CD99: variants seen among roughly 807,000 people sequenced by gnomAD.
The protein encoded by CD99 is CD99 antigen.
A neutral mutation model predicts 28.4 loss-of-function variants in CD99; 19 were observed. The ratio of observed to expected loss-of-function variants is 0.67; its 90% CI spans 0.47 to 0.98. The LOEUF (loss-of-function observed/expected upper bound fraction) is 0.98, where lower values mean the gene tolerates loss of function less well. Ranked by LOEUF, CD99 falls within the 50% of genes least tolerant of loss-of-function variation. CD99 has a pLI of 0.00. For missense variants in CD99, 283 were observed against 248.8 expected, an observed-to-expected ratio of 1.14 and a Z score of -0.92; for synonymous variants, 103 against 92.1, an observed-to-expected ratio of 1.12 and a Z score of -0.67.
intron 1 of CD99, among the ~76,000 whole-genome samples, chrX:2,702,754 A>G (rs932192556): frequency 2.0e-5 from 3 of 151,824 alleles, no homozygotes; most frequent in Non-Finnish European, 2.9e-5. Context: ...TATTTTGTTC[A>G]TGCACAGAAC....
chrX:2,707,777 C>T (rs1295939882), intron 1 of CD99, among the ~76,000 whole-genome samples: 1 of 152,178 alleles, frequency 6.6e-6, no homozygotes, highest in Non-Finnish European at 1.5e-5. Context: ...CACCAGGCTC[C>T]TTCTCTGAGG....
Position 2,723,326 on chromosome X carries a change from G to T in CD99, c.323G>T (p.Ser108Ile). ...GVSGGEGKGG[S>I]DGGGSHRKEG... ...TTTTGTCTTGCAGGAAAAGGAGGCA[G>T]TGATGGTGGAGGCAGCCACAGGAAA... is the stretch of plus-strand genomic sequence containing the variant. The change falls in exon 7 of 10, where the codon AGT becomes ATT. Residue 108 changes from serine (S) to isoleucine (I), a missense_variant. By Grantham distance (142) the Ser-to-Ile change is moderately radical (BLOSUM62 -2). Transcript: ENST00000381192. The T allele has an allele frequency of 6.2e-7, 1 of 1,613,984 alleles. No homozygotes were observed. The highest frequency in any genetic ancestry group is 8.5e-7 in the Non-Finnish European group (1 of 1,179,866).
At position 2,723,230 on chromosome X, in the gene CD99, G is replaced by C. The variant is rs1266531779; in HGVS notation, c.311-84G>C. 2.9e-6 allele frequency: 4 copies of C among 1,384,946 alleles called. No individual in the cohort carries two copies. The African/African-American group carries it at 5.7e-5, about 20-fold the overall frequency. 85.8% of individuals were successfully genotyped at this position (1,384,946 alleles called of 1,614,324 possible). ...TACCCCCGTAGAGTGTAAGAAGCAG[G>C]ACCCCAGCCTCTTCACGGTCCTGGC... is the stretch of plus-strand genomic sequence containing the variant. On this transcript the variant is annotated intron_variant, in intron 6 of 9. Transcript: ENST00000381192.
chrX:2,727,292 G>A (rs765846226), intron 8 of CD99: 1 of 779,178 alleles, frequency 1.3e-6, no homozygotes, highest in Non-Finnish European at 2.4e-6. Context: ...AATCCTCCTA[G>A]GTCAGCTGGC....
chrX:2,693,371 TA>T (rs1046253821), intron 1 of CD99, among the ~76,000 whole-genome samples: 1 of 151,868 alleles, frequency 6.6e-6, no homozygotes, highest in African/African-American at 2.4e-5. Flanking sequence ...AGCAGTGGGA[TA>T]GGGGCATAAC....
At chrX:2,708,772 T>G (rs1420447943) in intron 1 of CD99, among the ~76,000 whole-genome samples, 2 of 152,196 alleles carry the variant, frequency 1.3e-5, no homozygotes, top group Non-Finnish European at 2.9e-5. Context: ...CGGCTGAGCT[T>G]GGGGTCCGGG....
intron 1 of CD99, among the ~76,000 whole-genome samples, chrX:2,709,498 ACT>A (rs781731441): frequency 1.2e-3 from 181 of 151,898 alleles, no homozygotes; most frequent in African/African-American, 4.0e-3. Context: ...CATTCAGCAC[ACT>A]CACAATGCAC....
At chrX:2,739,920 TAAAAA>T (rs760923352) in intron 9 of CD99, among the ~76,000 whole-genome samples, 3 of 110,138 alleles carry the variant, frequency 2.7e-5, no homozygotes, top group African/African-American at 6.7e-5. Flanking sequence ...TACTAAAAAT[TAAAAA>T]AAAAAAAAAA....
chrX:2,724,897 CAAA>C (rs928597818), intron 7 of CD99, among the ~76,000 whole-genome samples: 2 of 120,180 alleles, frequency 1.7e-5, no homozygotes, highest in Non-Finnish European at 1.8e-5. Context: ...GACTGCATTT[CAAA>C]AAAAAAAAAA....
chrX:2,693,822 T>C (rs1470731533), intron 1 of CD99, among the ~76,000 whole-genome samples: 3 of 152,166 alleles, frequency 2.0e-5, no homozygotes, highest in Admixed American at 6.5e-5. Flanking sequence ...CAGGGCGACG[T>C]TGGCCCCGAG....
intron 6 of CD99, among the ~76,000 whole-genome samples, chrX:2,722,973 C>G (rs1268064100): frequency 6.6e-6 from 1 of 152,206 alleles, no homozygotes; most frequent in African/African-American, 2.4e-5. Context: ...CATCCGTTCA[C>G]CTGTGTGTTC....
intron 5 of CD99, among the ~76,000 whole-genome samples, chrX:2,722,370 G>C (rs1458743631): frequency 1.3e-5 from 2 of 152,096 alleles, no homozygotes; most frequent in Non-Finnish European, 2.9e-5. Context: ...GCCCAGGCTG[G>C]AGTGCAGTGG....
At chrX:2,711,063 G>A (rs1030872303) in intron 1 of CD99, among the ~76,000 whole-genome samples, 6 of 150,088 alleles carry the variant, frequency 4.0e-5, no homozygotes, top group African/African-American at 1.5e-4. Context: ...AGTAGAGACG[G>A]GGTTTCACCA....
rs186183464 is a variant in CD99 at position 2,740,756 on chromosome X, T to C, written c.533-23T>C. On this transcript the variant is annotated intron_variant, in intron 9 of 9. Coordinates refer to ENST00000381192, the MANE Select transcript of CD99 (RefSeq NM_002414.5). ...GTGCTCAGGGACCTGGGAATGACTT[T>C]CTTTTGTCTCTGTCTCCCACAGTTC... is the stretch of plus-strand genomic sequence containing the variant. 4.6e-4 allele frequency: 746 copies of C among 1,613,654 alleles called. 2 individuals carry two copies. The African/African-American group carries it at 8.9e-3, about 19-fold the overall frequency.
At chrX:2,734,260 CTTATTTG>C (rs1208635118) in intron 8 of CD99, among the ~76,000 whole-genome samples, 1 of 146,786 alleles carries the variant, frequency 6.8e-6, no homozygotes, top group Non-Finnish European at 1.5e-5. Context: ...TTTTACTTTT[CTTATTTG>C]TTATATGTTA....
At chrX:2,705,474 A>G (rs974398774) in intron 1 of CD99, among the ~76,000 whole-genome samples, 1 of 152,158 alleles carries the variant, frequency 6.6e-6, no homozygotes, top group Non-Finnish European at 1.5e-5. Context: ...ATTTCTTTTA[A>G]TTGACAAATA....
rs375075932 is a variant in CD99, at chrX:2,738,225, G to A, written c.501G>A (p.Glu167=). 6 of 1,613,942 alleles carry A rather than the reference G, an allele frequency of 3.7e-6. No individual in the cohort carries two copies. The African/African-American group carries it at 4.0e-5, about 11-fold the overall frequency. ...CAGAACAAGGGGAGGTGGACATGGAGAGCCACCGGAATGCCAACGCAGAGC... is the reference window on the plus strand; with the variant it reads ...CAGAACAAGGGGAGGTGGACATGGAAAGCCACCGGAATGCCAACGCAGAGC... ...ENAEQGEVDM[E]SHRNANAEPA... is the part of the protein sequence containing the mutation. The change falls in exon 9 of 10, where the codon GAG becomes GAA. Residue 167 remains glutamate (E), a synonymous_variant. Transcript: ENST00000381192.
chrX:2,700,310 TC>T (rs1294881956), intron 1 of CD99, among the ~76,000 whole-genome samples: 1 of 152,150 alleles, frequency 6.6e-6, no homozygotes, highest in East Asian at 1.9e-4. Context: ...CCTCTCCAGC[TC>T]CTCAGGGTCT....
intron 1 of CD99, among the ~76,000 whole-genome samples, chrX:2,702,497 A>G (rs1031522609): frequency 2.0e-5 from 3 of 152,250 alleles, no homozygotes; most frequent in Non-Finnish European, 4.4e-5. Context: ...CGCAATCTTC[A>G]TCATTCAGTG....
Sources: gnomAD v4.1 joint callset for allele counts (sites outside exome capture counted in the v4.1 genomes callset) on GRCh38, gnomAD v4.1.1 for gene constraint, MANE v1.5 for transcripts, NCBI Gene and HGNC (gene_info 2026-07-23, HGNC 2026-07-21) for gene names.